The following CSMD3 variants were observed in gnomAD, a reference collection of about 807,000 sequenced individuals.
CSMD3 encodes the protein CUB and sushi domain-containing protein 3.
CSMD3 carries 177 observed loss-of-function variants against 435.2 expected under a neutral mutation model. The observed-to-expected ratio is 0.41, with a 90% CI of 0.36 to 0.46. The LOEUF is 0.46. Ranked by LOEUF, CSMD3 falls within the 20% of genes least tolerant of loss-of-function variation. The probability of loss-of-function intolerance (pLI) is 0.34; values close to 1 mark genes in which losing one functional copy is unlikely to be tolerated. For missense variants in CSMD3, 4,265 were observed against 4,504.6 expected (o/e 0.95, Z 1.52); for synonymous variants, 1,656 against 1,520.5 (o/e 1.09, Z -2.07).
At chr8:113,249,013 G>A (rs868715994) in intron 3 of CSMD3, among the ~76,000 whole-genome samples, 1 of 152,014 alleles carries the variant, frequency 6.6e-6, no homozygotes, top group South Asian at 2.1e-4. Flanking sequence ...CACGTGTCAA[G>A]GGTAGGACCA....
intron 13 of CSMD3, among the ~76,000 whole-genome samples, chr8:112,718,307 T>G (rs1332622140): frequency 6.6e-6 from 1 of 152,036 alleles, no homozygotes; most frequent in Non-Finnish European, 1.5e-5. Flanking sequence ...ATATGAGTAC[T>G]TTATTCTTGA....
At chr8:112,761,511 C>T (rs532135455) in intron 13 of CSMD3, among the ~76,000 whole-genome samples, 1 of 151,748 alleles carries the variant, frequency 6.6e-6, no homozygotes. Context: ...TAAGTGTTAC[C>T]CCTCTTCTAT....
intron 4 of CSMD3, among the ~76,000 whole-genome samples, chr8:113,141,684 C>G (rs1354181437): frequency 6.6e-6 from 1 of 150,896 alleles, no homozygotes; most frequent in East Asian, 1.9e-4. Flanking sequence ...TGAACTTTCT[C>G]AACATAACAA....
chr8:112,399,091 A>G (rs144337690), intron 35 of CSMD3, among the ~76,000 whole-genome samples: 1 of 151,534 alleles, frequency 6.6e-6, no homozygotes, highest in African/African-American at 2.4e-5. Flanking sequence ...TAATTTTTGT[A>G]TTTTTAGTAG....
In CSMD3 at chr8:113,317,372, A is replaced by G. The variant is rs1252069584; in HGVS notation, c.179-2579T>C. Among the ~76,000 whole-genome samples the G allele has an allele frequency of 2.6e-5, 4 of 152,124 alleles. No individual in the cohort carries two copies. In the East Asian group the frequency reaches 5.8e-4, roughly 22 times the overall value. ...CAATCTGATCTACGGGCTGTTTTAT[A>G]TACTCTCAAGCCCCATAACCCTGAT... On this transcript the variant is annotated intron_variant, in intron 1 of 70. Transcript: ENST00000297405.
At chr8:113,314,120 A>G (rs2093891521) in intron 2 of CSMD3, 1 of 152,792 alleles carries the variant, frequency 6.5e-6, no homozygotes, top group African/African-American at 2.4e-5. Flanking sequence ...GATTTTATAA[A>G]CTACACACAT....
At chr8:113,364,417 GA>G (rs942123875) in intron 1 of CSMD3, among the ~76,000 whole-genome samples, 3 of 148,898 alleles carry the variant, frequency 2.0e-5, no homozygotes, top group Non-Finnish European at 4.4e-5. Context: ...CACTTGAAAA[GA>G]AAAAAAATTT....
chr8:113,135,298 TCA>T (rs943965381), intron 4 of CSMD3, among the ~76,000 whole-genome samples: 1 of 151,974 alleles, frequency 6.6e-6, no homozygotes, highest in Non-Finnish European at 1.5e-5. Context: ...AAAAATTATT[TCA>T]GTTTAGATGC....
intron 1 of CSMD3, among the ~76,000 whole-genome samples, chr8:113,365,855 A>G (rs548102783): frequency 6.6e-6 from 1 of 152,134 alleles, no homozygotes; most frequent in Non-Finnish European, 1.5e-5. Context: ...TGTCATTTTT[A>G]TATGTATCAC....
intron 32 of CSMD3, among the ~76,000 whole-genome samples, chr8:112,469,864 T>C: frequency 6.6e-6 from 1 of 152,120 alleles, no homozygotes; most frequent in Non-Finnish European, 1.5e-5. Flanking sequence ...GAAGGAATGA[T>C]CATAATTTGG....
intron 61 of CSMD3, among the ~76,000 whole-genome samples, chr8:112,259,724 T>C (rs1816199252): frequency 6.6e-6 from 1 of 152,228 alleles, no homozygotes; most frequent in Admixed American, 6.5e-5. Flanking sequence ...TTTGGGCTAG[T>C]TGACATTCAA....
chr8:112,378,519 A>G (rs1453226899), intron 38 of CSMD3, among the ~76,000 whole-genome samples: 1 of 152,134 alleles, frequency 6.6e-6, no homozygotes, highest in Non-Finnish European at 1.5e-5. Context: ...CAGCAACATG[A>G]GTGGAATTAG....
At chr8:113,323,912 G>A (rs901950467) in intron 1 of CSMD3, among the ~76,000 whole-genome samples, 1 of 152,076 alleles carries the variant, frequency 6.6e-6, no homozygotes, top group African/African-American at 2.4e-5. Context: ...TTTCTATTGT[G>A]TTTTATCAAT....
intron 13 of CSMD3, among the ~76,000 whole-genome samples, chr8:112,772,667 T>G (rs2078150102): frequency 6.6e-6 from 1 of 152,022 alleles, no homozygotes; most frequent in Admixed American, 6.6e-5. Context: ...GAGGAAGGCA[T>G]CTGTCTCCTG....
intron 45 of CSMD3, among the ~76,000 whole-genome samples, chr8:112,333,331 C>A (rs911247095): frequency 5.9e-5 from 9 of 152,026 alleles, no homozygotes; most frequent in Non-Finnish European, 1.2e-4. Flanking sequence ...CCACGCCTGG[C>A]TAATTTTGTA....
In CSMD3 at chr8:112,224,616, C is replaced by A; in HGVS notation, c.*155G>T. ...ATGGTAAACATGAAGAATTATGGTC[C>A]AGTTTATGAAAAAACACTCTTCTGT... On this transcript the variant is annotated 3_prime_UTR_variant, in exon 71 of 71. Transcript: ENST00000297405. 1.3e-6 allele frequency: 1 copy of A among 758,958 alleles called. No homozygotes were observed. Among genetic ancestry groups the A allele is most frequent in the Non-Finnish European group, 2.3e-6 (1 of 431,596 alleles). 47.0% of individuals were successfully genotyped at this position (758,958 alleles called of 1,614,324 possible).
chr8:112,418,618 T>C (rs1295110480), intron 32 of CSMD3, among the ~76,000 whole-genome samples: 1 of 152,154 alleles, frequency 6.6e-6, no homozygotes, highest in African/African-American at 2.4e-5. Flanking sequence ...TAAATAAAAG[T>C]GTAGTATTAT....
At chr8:112,703,149 G>A (rs1054938503) in intron 13 of CSMD3, among the ~76,000 whole-genome samples, 1 of 152,144 alleles carries the variant, frequency 6.6e-6, no homozygotes, top group African/African-American at 2.4e-5. Context: ...TCCACTGTCA[G>A]CTAAATATCT....
chr8:112,864,783 G>A (rs1234900806), intron 10 of CSMD3, among the ~76,000 whole-genome samples: 1 of 152,078 alleles, frequency 6.6e-6, no homozygotes, highest in African/African-American at 2.4e-5. Context: ...TCATAAAAAT[G>A]CTAACATCCT....
Sources: gnomAD v4.1 joint callset for allele counts (sites outside exome capture counted in the v4.1 genomes callset) on GRCh38, gnomAD v4.1.1 for gene constraint, MANE v1.5 for transcripts, NCBI Gene and HGNC (gene_info 2026-07-23, HGNC 2026-07-21) for gene names.